The following KCNMA1 variants were observed in gnomAD, a reference collection of about 807,000 sequenced individuals.
The protein encoded by KCNMA1 is Calcium-activated potassium channel subunit alpha-1.
KCNMA1 carries 29 observed loss-of-function variants against 140.0 expected under a neutral mutation model. The observed-to-expected ratio is 0.21, with a 90% CI of 0.15 to 0.28. The LOEUF is 0.28. Ranked by LOEUF, KCNMA1 falls within the 10% of genes least tolerant of loss-of-function variation. The pLI, the probability that KCNMA1 is intolerant of heterozygous loss-of-function variation, is 1.00. For missense variants in KCNMA1, 880 were observed against 1,602.2 expected, an observed-to-expected ratio of 0.55 and a Z score of 7.70; for synonymous variants, 612 against 611.9, an observed-to-expected ratio of 1.00 and a Z score of 0.00.
intron 12 of KCNMA1, among the ~76,000 whole-genome samples, chr10:77,080,140 C>G (rs1000589440): frequency 6.6e-6 from 1 of 152,194 alleles, no homozygotes; most frequent in Admixed American, 6.5e-5. Flanking sequence ...GAACTTGCTT[C>G]TATCTGCACT....
intron 6 of KCNMA1, among the ~76,000 whole-genome samples, chr10:77,117,539 C>CAAAAAAAAAAA (rs56926398): frequency 5.6e-3 from 125 of 22,300 alleles, no homozygotes; most frequent in Non-Finnish European, 6.9e-3. Flanking sequence ...GAGTCTATCT[C>CAAAAAAAAAAA]AAAAAAAAAA....
intron 9 of KCNMA1, among the ~76,000 whole-genome samples, chr10:77,101,626 C>T (rs1265073931): frequency 1.3e-5 from 2 of 152,084 alleles, no homozygotes; most frequent in Non-Finnish European, 2.9e-5. Flanking sequence ...TCACGTGGCT[C>T]ATGCAATGAG....
chr10:77,186,384 A>G (rs1598244693), intron 3 of KCNMA1, among the ~76,000 whole-genome samples: 2 of 152,140 alleles, frequency 1.3e-5, no homozygotes, highest in East Asian at 3.9e-4. Context: ...AAAACAAAAA[A>G]AAACGACAAT....
intron 1 of KCNMA1, among the ~76,000 whole-genome samples, chr10:77,405,856 AGGTGGGGAGGGTGCACT>A (rs1245524971): frequency 6.6e-6 from 1 of 152,138 alleles, no homozygotes. Flanking sequence ...CGTGGGAGGC[AGGTGGGGAGGGTGCACT>A]GGTGAGTCAT....
intron 1 of KCNMA1, among the ~76,000 whole-genome samples, chr10:77,608,963 A>G (rs892380315): frequency 2.6e-5 from 4 of 152,230 alleles, no homozygotes; most frequent in African/African-American, 9.6e-5. Context: ...GTGTGGGTAT[A>G]AAGAAAAGAG....
chr10:77,387,249 T>C (rs567792027), intron 2 of KCNMA1, among the ~76,000 whole-genome samples: 2 of 152,194 alleles, frequency 1.3e-5, no homozygotes, highest in Admixed American at 6.5e-5. Flanking sequence ...GGCTGCAATA[T>C]GAAAAAAGAA....
intron 5 of KCNMA1, among the ~76,000 whole-genome samples, chr10:77,180,695 A>G (rs1207530925): frequency 2.0e-5 from 3 of 152,128 alleles, no homozygotes; most frequent in Non-Finnish European, 4.4e-5. Flanking sequence ...TTGTTTCCCA[A>G]TCATCTGGAA....
At chr10:77,394,955 A>G (rs1334167224) in intron 2 of KCNMA1, among the ~76,000 whole-genome samples, 1 of 152,214 alleles carries the variant, frequency 6.6e-6, no homozygotes, top group Non-Finnish European at 1.5e-5. Context: ...ATGAGTGAGC[A>G]TGGCTGTATT....
intron 5 of KCNMA1, among the ~76,000 whole-genome samples, chr10:77,136,069 C>T (rs555494585): frequency 6.6e-6 from 1 of 152,208 alleles, no homozygotes; most frequent in East Asian, 1.9e-4. Flanking sequence ...TCTTATAATT[C>T]CATTGTGGAA....
intron 3 of KCNMA1, among the ~76,000 whole-genome samples, chr10:77,243,905 C>T (rs577150655): frequency 3.3e-5 from 5 of 152,252 alleles, no homozygotes; most frequent in African/African-American, 9.6e-5. Flanking sequence ...GAATTCAAGG[C>T]CTCTCACCAG....
Position 76,915,054 on chromosome 10 carries a change from T to A in KCNMA1, c.2903-5A>T. 1 of 1,602,910 alleles carries A rather than the reference T, an allele frequency of 6.2e-7. No homozygotes were observed. The highest frequency in any genetic ancestry group is 8.5e-7 in the Non-Finnish European group (1 of 1,170,232). The stretch of plus-strand genomic sequence containing the variant: ...CCATTCCTGGAGGTGTGAACCCTAG[T>A]GGGAAGGAAACAGAGGAGGAAGAAA... On this transcript the variant is annotated splice_region_variant and splice_polypyrimidine_tract_variant and intron_variant, in intron 23 of 27. Transcript: ENST00000286628.
At chr10:77,347,854 A>G (rs1462576352) in intron 2 of KCNMA1, among the ~76,000 whole-genome samples, 4 of 152,242 alleles carry the variant, frequency 2.6e-5, no homozygotes. Flanking sequence ...CAGAAACTGT[A>G]CTAAAACCTT....
intron 1 of KCNMA1, among the ~76,000 whole-genome samples, chr10:77,544,284 C>A (rs1438229615): frequency 6.6e-6 from 1 of 151,474 alleles, no homozygotes; most frequent in Non-Finnish European, 1.5e-5. Context: ...CTTCTCTGAA[C>A]TTTGATATTT....
chr10:77,311,748 C>A (rs1329753484), intron 2 of KCNMA1, among the ~76,000 whole-genome samples: 4 of 152,174 alleles, frequency 2.6e-5, no homozygotes, highest in Non-Finnish European at 1.5e-5. Flanking sequence ...CTTCTTGCAG[C>A]CCTCTGCAGG....
intron 1 of KCNMA1, among the ~76,000 whole-genome samples, chr10:77,412,299 C>T (rs1474861019): frequency 1.3e-5 from 2 of 152,176 alleles, no homozygotes; most frequent in African/African-American, 4.8e-5. Flanking sequence ...TTCCCCTGAG[C>T]CTTCATTGAT....
At chr10:77,051,227 G>A (rs1260351875) in intron 14 of KCNMA1, among the ~76,000 whole-genome samples, 1 of 152,170 alleles carries the variant, frequency 6.6e-6, no homozygotes, top group Non-Finnish European at 1.5e-5. Context: ...GGGTACTTAT[G>A]TCTCCTATCG....
At chr10:77,509,099 GTTT>G (rs59787098) in intron 1 of KCNMA1, among the ~76,000 whole-genome samples, 23,346 of 134,480 alleles carry the variant, frequency 0.17, 1,867 homozygotes, top group Middle Eastern at 0.23. Flanking sequence ...ATTTTGTTGG[GTTT>G]TGTTGTTGTT....
At chr10:77,280,618 C>T (rs1309770947) in intron 2 of KCNMA1, among the ~76,000 whole-genome samples, 1 of 151,950 alleles carries the variant, frequency 6.6e-6, no homozygotes, top group Non-Finnish European at 1.5e-5. Context: ...CCTCTACCTC[C>T]TAGGCTCAAG....
intron 2 of KCNMA1, among the ~76,000 whole-genome samples, chr10:77,346,834 G>A (rs2092241211): frequency 6.6e-6 from 1 of 152,152 alleles, no homozygotes; most frequent in Admixed American, 6.5e-5. Flanking sequence ...ATATTCTTCT[G>A]GTTCAAGAAC....
Sources: gnomAD v4.1 joint callset for allele counts (sites outside exome capture counted in the v4.1 genomes callset) on GRCh38, gnomAD v4.1.1 for gene constraint, MANE v1.5 for transcripts, NCBI Gene and HGNC (gene_info 2026-07-23, HGNC 2026-07-21) for gene names.